Variants in RAB11B observed in about 807,000 individuals in gnomAD.
RAB11B encodes the protein RAB11B, member RAS oncogene family, also known as ras-related protein Rab-11B.
A neutral mutation model predicts 23.7 loss-of-function variants in RAB11B; 7 were observed. The ratio of observed to expected loss-of-function variants is 0.29; its 90% CI spans 0.17 to 0.55. RAB11B has a LOEUF of 0.55. Ranked by LOEUF, RAB11B falls within the 20% of genes least tolerant of loss-of-function variation. The probability of loss-of-function intolerance (pLI) is 0.93; values close to 1 mark genes in which losing one functional copy is unlikely to be tolerated. For synonymous variants in RAB11B, 138 were observed against 132.0 expected (o/e 1.05, Z -0.31); for missense variants, 189 against 320.0 (o/e 0.59, Z 3.12).
intron 1 of RAB11B, among the ~76,000 whole-genome samples, chr19:8,398,958 T>C (rs1971416980): frequency 8.2e-6 from 1 of 122,528 alleles, no homozygotes; most frequent in Non-Finnish European, 1.8e-5. Flanking sequence ...TTATTATTAT[T>C]ATTTTTTTTT....
rs1333355781 is a variant in RAB11B at position 8,403,899 on chromosome 19, G to A, written c.*341G>A. ...TTTTCCTTGGCCGACTCTAGGGAGC[G>A]ATTGCCTCCCTCCCTCCGTGACCGG... is the stretch of plus-strand genomic sequence containing the variant. On this transcript the variant is annotated 3_prime_UTR_variant, in exon 5 of 5. Transcript: ENST00000328024. 5 of 227,234 alleles carry A rather than the reference G, an allele frequency of 2.2e-5. No homozygotes were observed. The highest frequency in any genetic ancestry group is 1.0e-4 in the East Asian group (1 of 9,778). 14.1% of individuals were successfully genotyped at this position (227,234 alleles called of 1,614,324 possible).
intron 1 of RAB11B, among the ~76,000 whole-genome samples, chr19:8,392,266 G>C (rs1950932245): frequency 6.6e-6 from 1 of 152,112 alleles, no homozygotes; most frequent in South Asian, 2.1e-4. Context: ...AAATGACCCA[G>C]CTCCGAGTGC....
At chr19:8,395,500 C>T (rs956234360) in intron 1 of RAB11B, among the ~76,000 whole-genome samples, 5 of 151,762 alleles carry the variant, frequency 3.3e-5, no homozygotes, top group African/African-American at 9.7e-5. Context: ...CCGCCTGCCT[C>T]GGCCTCCCCA....
chr19:8,402,329 G>T, intron 3 of RAB11B, 50 bp downstream of exon 3: 1 of 1,530,558 alleles, frequency 6.5e-7, no homozygotes, highest in Non-Finnish European at 8.8e-7. Flanking sequence ...AAGGCAGGAG[G>T]CCCCTCACAG....
intron 2 of RAB11B, among the ~76,000 whole-genome samples, chr19:8,400,884 G>A (rs1256536359): frequency 6.6e-6 from 1 of 150,954 alleles, no homozygotes; most frequent in Non-Finnish European, 1.5e-5. Context: ...CACCGTGCCT[G>A]GCTGTCGCCT....
chr19:8,400,270 G>C, intron 2 of RAB11B: 1 of 632,178 alleles, frequency 1.6e-6, no homozygotes, highest in South Asian at 1.9e-5. Context: ...GTATCTCTGG[G>C]TACCAAGTGC....
intron 1 of RAB11B, among the ~76,000 whole-genome samples, chr19:8,394,362 A>G (rs535510715): frequency 1.3e-5 from 2 of 152,108 alleles, no homozygotes; most frequent in South Asian, 2.1e-4. Context: ...CGCCATGTTG[A>G]CAGGCTGGTC....
chr19:8,403,801 G>A lies in RAB11B; in HGVS notation c.*243G>A, dbSNP rs1489212152. The A allele has an allele frequency of 3.9e-6, 2 of 509,230 alleles. No individual in the cohort carries two copies. Among genetic ancestry groups the A allele is most frequent in the Non-Finnish European group, 6.6e-6 (2 of 300,866 alleles). The allele number at this position is 509,230 out of a possible 1,614,324, so 31.5% of individuals were successfully genotyped here. A position where few individuals can be genotyped will look rare whatever the true frequency, so the allele number is the denominator to read the frequency against. The stretch of plus-strand genomic sequence containing the variant: ...CGGGTCCCCACAGCGTCTTGGCGGG[G>A]TGGGGAGGGCGGCAGGATGGACGGG... On this transcript the variant is annotated 3_prime_UTR_variant, in exon 5 of 5. Transcript: ENST00000328024.
At chr19:8,391,558 C>G (rs771538223) in intron 1 of RAB11B, among the ~76,000 whole-genome samples, 10 of 151,298 alleles carry the variant, frequency 6.6e-5, no homozygotes, top group Non-Finnish European at 1.3e-4. Context: ...CTGTGCCCAG[C>G]TACACTTTGG....
intron 1 of RAB11B, among the ~76,000 whole-genome samples, chr19:8,399,226 T>G (rs1430050207): frequency 3.3e-5 from 5 of 151,928 alleles, no homozygotes; most frequent in Non-Finnish European, 7.4e-5. Flanking sequence ...GTGCTGGGAT[T>G]ACAGGTGTGA....
chr19:8,394,615 G>A (rs1313207035), intron 1 of RAB11B, among the ~76,000 whole-genome samples: 8 of 152,216 alleles, frequency 5.3e-5, no homozygotes, highest in Non-Finnish European at 1.0e-4. Flanking sequence ...TGGGGACCCA[G>A]CCTGGCCAAA....
chr19:8,400,515 C>T (rs1971428855), intron 2 of RAB11B, among the ~76,000 whole-genome samples: 1 of 152,210 alleles, frequency 6.6e-6, no homozygotes, highest in Non-Finnish European at 1.5e-5. Flanking sequence ...TTCCCACCAC[C>T]GTCTTGAGAT....
intron 1 of RAB11B, among the ~76,000 whole-genome samples, chr19:8,394,828 G>T (rs951068923): frequency 2.6e-5 from 4 of 152,216 alleles, no homozygotes; most frequent in Non-Finnish European, 5.9e-5. Flanking sequence ...TACTCGGGAG[G>T]CTGAGGCAGG....
Position 8,403,690 on chromosome 19 carries a change from CG to C in RAB11B, c.*136del. 1 of 1,322,390 alleles carries C rather than the reference CG, an allele frequency of 7.6e-7. No homozygotes were observed. Among genetic ancestry groups the C allele is most frequent in the East Asian group, 2.6e-5 (1 of 38,772 alleles). 81.9% of individuals were successfully genotyped at this position (1,322,390 alleles called of 1,614,324 possible). ...CCCAGTGAGCTCTGCACGGCCGGGC[CG>C]GGGCCCAGGAAGGACAGGAGCCAGT... On this transcript the variant is annotated 3_prime_UTR_variant, in exon 5 of 5. Coordinates refer to ENST00000328024, the MANE Select transcript of RAB11B (RefSeq NM_004218.4).
chr19:8,390,376 G>T lies in RAB11B; in HGVS notation c.-41G>T. Reference sequence around the variant, plus strand: ...TCCGCCCCCGTCGGGTGTTTGTGGTGGGGCTGCGGAGTCGCCGATCCCGCC... The same window carrying T: ...TCCGCCCCCGTCGGGTGTTTGTGGTTGGGCTGCGGAGTCGCCGATCCCGCC... On this transcript the variant is annotated 5_prime_UTR_variant, in exon 1 of 5. Transcript: ENST00000328024. 1 of 1,516,394 alleles carries T rather than the reference G, an allele frequency of 6.6e-7. No individual in the cohort carries two copies. Among genetic ancestry groups the T allele is most frequent in the Non-Finnish European group, 8.8e-7 (1 of 1,135,396 alleles). 93.9% of individuals were successfully genotyped at this position (1,516,394 alleles called of 1,614,324 possible). A position where few individuals can be genotyped will look rare whatever the true frequency, so the allele number is the denominator to read the frequency against.
chr19:8,392,783 C>T (rs1348161056), intron 1 of RAB11B, among the ~76,000 whole-genome samples: 6 of 144,204 alleles, frequency 4.2e-5, no homozygotes, highest in Admixed American at 7.2e-5. Context: ...CTCCGTCTCC[C>T]GGGTTCAAAC....
At chr19:8,395,900 G>C (rs1367765702) in intron 1 of RAB11B, among the ~76,000 whole-genome samples, 6 of 152,216 alleles carry the variant, frequency 3.9e-5, no homozygotes, top group Non-Finnish European at 8.8e-5. Context: ...TGTGGATGCA[G>C]AAGACCTGGG....
intron 1 of RAB11B, among the ~76,000 whole-genome samples, chr19:8,392,356 A>G (rs917602771): frequency 1.5e-4 from 23 of 151,336 alleles, no homozygotes; most frequent in African/African-American, 5.1e-4. Context: ...GTCAGGAGCA[A>G]TGGAGAGGCT....
rs374172999 is a variant in RAB11B, at chr19:8,403,596, G to T, written c.*38G>T. On this transcript the variant is annotated 3_prime_UTR_variant, in exon 5 of 5. Transcript: ENST00000328024. ...CACCCAGCGTGCGTGCACGTCCTCCGCCCGCCCCCGCCACGGTATCCTCTG... is the reference window on the plus strand; with the variant it reads ...CACCCAGCGTGCGTGCACGTCCTCCTCCCGCCCCCGCCACGGTATCCTCTG... The T allele has an allele frequency of 3.2e-6, 5 of 1,574,614 alleles. No homozygotes were observed. The South Asian group carries it at 4.6e-5, about 15-fold the overall frequency.
Sources: gnomAD v4.1 joint callset for allele counts (sites outside exome capture counted in the v4.1 genomes callset) on GRCh38, gnomAD v4.1.1 for gene constraint, MANE v1.5 for transcripts, NCBI Gene and HGNC (gene_info 2026-07-23, HGNC 2026-07-21) for gene names.